The following MEIOSIN variants were observed in gnomAD, a reference collection of about 807,000 sequenced individuals.
MEIOSIN encodes meiosis initiator, also known as meiosis initiator protein.
Under a neutral mutation model 23.4 loss-of-function variants are expected in MEIOSIN, and 18 were observed. The observed-to-expected ratio is 0.77, with a 90% CI of 0.53 to 1.14. The LOEUF is 1.14. MEIOSIN is among the 50% of genes most tolerant of loss of function. The probability of loss-of-function intolerance (pLI) is 0.00; values close to 1 mark genes in which losing one functional copy is unlikely to be tolerated. For synonymous variants in MEIOSIN, 187 were observed against 100.6 expected, an observed-to-expected ratio of 1.86 and a Z score of -5.14; for missense variants, 428 against 242.9, an observed-to-expected ratio of 1.76 and a Z score of -5.07.
intron 4 of MEIOSIN, among the ~76,000 whole-genome samples, chr19:45,750,366 T>TTTTTC (rs1189270581): frequency 9.9e-6 from 1 of 101,056 alleles, no homozygotes; most frequent in East Asian, 4.6e-4. Flanking sequence ...TTTTCTTTTT[T>TTTTTC]TTTTTTTTTT....
intron 4 of MEIOSIN, among the ~76,000 whole-genome samples, chr19:45,745,831 G>A (rs1461305281): frequency 1.3e-5 from 2 of 152,100 alleles, no homozygotes; most frequent in East Asian, 1.9e-4. Flanking sequence ...CTTGGCCTCC[G>A]AAAGTGCTGG....
intron 11 of MEIOSIN, 91 bp downstream of exon 11, chr19:45,759,581 A>C (rs1600391190): frequency 1.5e-6 from 1 of 672,482 alleles, no homozygotes; most frequent in Non-Finnish European, 2.7e-6. Context: ...CCACTCCCTC[A>C]CCCTTTCAGC....
intron 1 of MEIOSIN, among the ~76,000 whole-genome samples, chr19:45,734,867 G>T (rs1027948466): frequency 5.3e-5 from 8 of 151,674 alleles, no homozygotes; most frequent in African/African-American, 1.9e-4. Flanking sequence ...ATTAGTTTTA[G>T]TGCCTTTTTA....
Position 45,739,659 on chromosome 19 carries a change from A to G in MEIOSIN, c.105A>G (p.Glu35=), listed in dbSNP as rs1434478992. 1.4e-6 allele frequency: 1 copy of G among 703,324 alleles called. No individual in the cohort carries two copies. The highest frequency in any genetic ancestry group is 2.6e-6 in the Non-Finnish European group (1 of 385,062). The allele number at this position is 703,324 out of a possible 1,614,324, so 43.6% of individuals were successfully genotyped here. A position where few individuals can be genotyped will look rare whatever the true frequency, so the allele number is the denominator to read the frequency against. Residue 35 remains glutamate (E), a synonymous_variant, in exon 3 of 15, where the codon GAA becomes GAG. Coordinates refer to ENST00000457052, the MANE Select transcript of MEIOSIN (RefSeq NM_001310124.2). ...TLVLCSLVEG[E]DKVNPSEPHG... The stretch of plus-strand genomic sequence containing the variant: ...TTTTGTGCTCCCTAGTGGAAGGGGA[A>G]GATAAGGTCAACCCCTCCGAACCAC...
At chr19:45,750,362 T>TTTTC (rs200129030) in intron 4 of MEIOSIN, among the ~76,000 whole-genome samples, 1,800 of 9,162 alleles carry the variant, frequency 0.2, 21 homozygotes, top group African/African-American at 0.33. Context: ...TTCTTTTTCT[T>TTTTC]TTTTTTTTTT....
intron 4 of MEIOSIN, among the ~76,000 whole-genome samples, chr19:45,745,785 C>T (rs1271697464): frequency 2.0e-5 from 3 of 152,052 alleles, no homozygotes; most frequent in Non-Finnish European, 4.4e-5. Context: ...TTGGTCAGGC[C>T]GGTCTCAAAT....
chr19:45,761,129 CT>C (rs34796716), intron 11 of MEIOSIN, among the ~76,000 whole-genome samples: 68,307 of 138,712 alleles, frequency 0.49, 16,298 homozygotes, highest in East Asian at 0.62. Context: ...AATTCAATTT[CT>C]TTTTTTTTTT....
Position 45,764,407 on chromosome 19 carries a change from C to G in MEIOSIN, c.*289C>G, listed in dbSNP as rs1394021071. ...AGTTTACCCACCCCTCTCCCCTTCC[C>G]TTCCCCACCCCAGAGCCACTCGGTT... On this transcript the variant is annotated 3_prime_UTR_variant, in exon 15 of 15. Coordinates refer to ENST00000457052, the MANE Select transcript of MEIOSIN (RefSeq NM_001310124.2). 3.0e-6 allele frequency: 1 copy of G among 332,146 alleles called. No homozygotes were observed. Among genetic ancestry groups the G allele is most frequent in the African/African-American group, 2.1e-5 (1 of 47,252 alleles). 20.6% of individuals were successfully genotyped at this position (332,146 alleles called of 1,614,324 possible).
At chr19:45,746,133 T>C (rs1225659383) in intron 4 of MEIOSIN, among the ~76,000 whole-genome samples, 1 of 152,060 alleles carries the variant, frequency 6.6e-6, no homozygotes, top group African/African-American at 2.4e-5. Context: ...ACCTGGCTAA[T>C]TTTTTGTAGT....
Position 45,764,076 on chromosome 19 carries a change from G to A in MEIOSIN, c.1875G>A (p.Leu625=). The A allele has an allele frequency of 2.5e-6, 1 of 398,652 alleles. No individual in the cohort carries two copies. The highest frequency in any genetic ancestry group is 4.4e-6 in the Non-Finnish European group (1 of 226,066). 24.7% of individuals were successfully genotyped at this position (398,652 alleles called of 1,614,324 possible). A position where few individuals can be genotyped will look rare whatever the true frequency, so the allele number is the denominator to read the frequency against. The part of the protein sequence containing the change: ...DWETPKPFYQ[L]LAEKALPLPP... ...AGACGCCAAAGCCCTTCTACCAGCT[G>A]CTGGCCGAGAAGGCCTTGCCGCTGC... Residue 625 remains leucine (L), a synonymous_variant, in exon 15 of 15, where the codon CTG becomes CTA. Transcript: ENST00000457052.
At chr19:45,736,313 C>G (rs1299299730) in intron 2 of MEIOSIN, among the ~76,000 whole-genome samples, 1 of 152,100 alleles carries the variant, frequency 6.6e-6, no homozygotes, top group African/African-American at 2.4e-5. Flanking sequence ...TCCCAAAGTG[C>G]TGGAATTACT....
intron 4 of MEIOSIN, among the ~76,000 whole-genome samples, chr19:45,747,500 A>C (rs918406040): frequency 2.6e-5 from 4 of 152,186 alleles, no homozygotes; most frequent in Non-Finnish European, 5.9e-5. Flanking sequence ...CTTCAGGTGG[A>C]GTTCTGCCAG....
intron 7 of MEIOSIN, among the ~76,000 whole-genome samples, chr19:45,755,638 G>A (rs775653439): frequency 1.3e-5 from 2 of 151,350 alleles, no homozygotes; most frequent in Non-Finnish European, 2.9e-5. Context: ...TAGTAGAGAC[G>A]GGGTTTCACC....
At chr19:45,750,217 C>T (rs938643181) in intron 4 of MEIOSIN, among the ~76,000 whole-genome samples, 2 of 149,100 alleles carry the variant, frequency 1.3e-5, no homozygotes, top group Admixed American at 1.3e-4. Context: ...GGGGCTACAG[C>T]TACAGGCTGG....
Position 45,764,314 on chromosome 19 carries a change from A to G in MEIOSIN, c.*196A>G, listed in dbSNP as rs1969016020. The G allele has an allele frequency of 7.6e-6, 3 of 394,634 alleles. No homozygotes were observed. The East Asian group carries it at 1.1e-4, about 14-fold the overall frequency. The allele number at this position is 394,634 out of a possible 1,614,324, so 24.4% of individuals were successfully genotyped here. A position where few individuals can be genotyped will look rare whatever the true frequency, so the allele number is the denominator to read the frequency against. ...TGCCTGGAGCACCAGAGTCACCCAC[A>G]GCTGCCTTGATTCTCCCCCAGGCTT... On this transcript the variant is annotated 3_prime_UTR_variant, in exon 15 of 15. Coordinates refer to ENST00000457052, the MANE Select transcript of MEIOSIN (RefSeq NM_001310124.2).
intron 13 of MEIOSIN, among the ~76,000 whole-genome samples, 167 bp from the exon 14 acceptor site, chr19:45,763,171 A>T (rs1306393809): frequency 1.3e-5 from 2 of 152,182 alleles, no homozygotes; most frequent in Admixed American, 1.3e-4. Flanking sequence ...CTCCTGGGAC[A>T]CCAGGTGCCC....
intron 14 of MEIOSIN, among the ~76,000 whole-genome samples, chr19:45,763,763 C>T (rs1347183677): frequency 6.6e-6 from 1 of 152,214 alleles, no homozygotes; most frequent in Admixed American, 6.5e-5. Flanking sequence ...CAAGGAGCTG[C>T]CACCTGCCCT....
At chr19:45,749,695 CAA>C (rs1220005971) in intron 4 of MEIOSIN, among the ~76,000 whole-genome samples, 3 of 72,362 alleles carry the variant, frequency 4.1e-5, no homozygotes, top group Admixed American at 1.6e-4. Context: ...AAAAAAAGCG[CAA>C]AAAAAAAAAA....
chr19:45,736,717 C>T (rs2146171625), intron 2 of MEIOSIN, among the ~76,000 whole-genome samples: 1 of 146,420 alleles, frequency 6.8e-6, no homozygotes, highest in South Asian at 2.2e-4. Context: ...TACAGGCGCC[C>T]ACCACCATGC....
Sources: gnomAD v4.1 joint callset for allele counts (sites outside exome capture counted in the v4.1 genomes callset) on GRCh38, gnomAD v4.1.1 for gene constraint, MANE v1.5 for transcripts, NCBI Gene and HGNC (gene_info 2026-07-23, HGNC 2026-07-21) for gene names.